Variants in JAK2 observed in about 807,000 individuals in gnomAD.
JAK2 encodes the protein tyrosine-protein kinase JAK2.
Under a neutral mutation model 139.3 loss-of-function variants are expected in JAK2, and 86 were observed. The observed-to-expected ratio is 0.62, with a 90% confidence interval of 0.52 to 0.74. JAK2 has a LOEUF of 0.74. JAK2 is among the 30% of genes least tolerant of loss of function. The pLI is 0.00. For synonymous variants in JAK2, 490 were observed against 437.7 expected (o/e 1.12, Z -1.49); for missense variants, 1,421 against 1,360.3 (o/e 1.04, Z -0.70).
intron 19 of JAK2, among the ~76,000 whole-genome samples, chr9:5,086,536 T>G (rs946063705): frequency 1.3e-5 from 2 of 152,206 alleles, no homozygotes; most frequent in African/African-American, 4.8e-5. Flanking sequence ...CTTTTAGTAC[T>G]CATTGTTTTC....
At position 5,069,139 on chromosome 9, in the gene JAK2, CAG is replaced by C; in HGVS notation, c.1446_1447del (p.Gln482HisfsTer15). The C allele has an allele frequency of 6.2e-7, 1 of 1,613,090 alleles. No homozygotes were observed. The highest frequency in any genetic ancestry group is 8.5e-7 in the Non-Finnish European group (1 of 1,179,430). ...TCTTAAAGATCTTTTGAATTGTTAC[CAG>C]ATGGAAACTGTTCGCTCAGACAATA... ...SSLKDLLNCY[Q>X]METVRSDNII... On this transcript the variant is annotated frameshift_variant, in exon 11 of 25. Coordinates refer to ENST00000381652, the MANE Select transcript of JAK2 (RefSeq NM_004972.4). LOFTEE classifies it high-confidence loss of function.
chr9:4,991,737 G>A (rs1036725088), intron 2 of JAK2, among the ~76,000 whole-genome samples: 2 of 116,218 alleles, frequency 1.7e-5, no homozygotes, highest in Non-Finnish European at 3.2e-5. Flanking sequence ...TGTACACCAG[G>A]CAACCACCTG....
At position 5,128,128 on chromosome 9, in the gene JAK2, T is replaced by C. The variant is rs1057515601; in HGVS notation, c.*1337T>C. 24 of 229,504 alleles carry C rather than the reference T, an allele frequency of 1.0e-4. No individual in the cohort carries two copies. Among genetic ancestry groups the C allele is most frequent in the Non-Finnish European group, 1.8e-4 (21 of 116,862 alleles). The allele number at this position is 229,504 out of a possible 1,614,324, so 14.2% of individuals were successfully genotyped here. ...TGTGTGTGTGTGTGTGTGTTATTTA[T>C]ACAAAACTTAAAATACTTGCTGTTT... On this transcript the variant is annotated 3_prime_UTR_variant, in exon 25 of 25. Transcript: ENST00000381652.
At chr9:5,037,122 G>A (rs1368934443) in intron 4 of JAK2, among the ~76,000 whole-genome samples, 1 of 152,156 alleles carries the variant, frequency 6.6e-6, no homozygotes, top group African/African-American at 2.4e-5. Flanking sequence ...ATCACCACTG[G>A]CCATCAGAGA....
intron 2 of JAK2, among the ~76,000 whole-genome samples, chr9:4,992,208 G>C (rs1331246282): frequency 6.6e-6 from 1 of 152,178 alleles, no homozygotes; most frequent in Non-Finnish European, 1.5e-5. Flanking sequence ...TGTTAGCTGG[G>C]CTGTTAACTG....
chr9:5,097,887 C>G (rs1212191272), intron 22 of JAK2: 1 of 152,186 alleles, frequency 6.6e-6, no homozygotes, highest in Non-Finnish European at 1.5e-5. Flanking sequence ...CAGACCTACG[C>G]TAAAATTCAC....
At chr9:5,114,750 G>A (rs554724426) in intron 22 of JAK2, 2 of 339,638 alleles carry the variant, frequency 5.9e-6, no homozygotes, top group Non-Finnish European at 1.2e-5. Context: ...TGTGGTCCAT[G>A]AGACAGCGAC....
intron 22 of JAK2, among the ~76,000 whole-genome samples, chr9:5,101,361 G>A (rs1048657072): frequency 6.6e-6 from 1 of 152,244 alleles, no homozygotes. Context: ...GCTTGAGTAG[G>A]TAAACAAAGT....
Position 5,129,752 on chromosome 9 carries a change from T to A in JAK2, c.*2961T>A, listed in dbSNP as rs541615394. The stretch of plus-strand genomic sequence containing the variant: ...CGTTTCATAATTCTCACAGTGATAT[T>A]AGATTTCAAAATGACACTGAGAGAA... On this transcript the variant is annotated 3_prime_UTR_variant, in exon 25 of 25. Transcript: ENST00000381652. Among the ~76,000 whole-genome samples the A allele has an allele frequency of 7.4e-4, 112 of 152,274 alleles. No homozygotes were observed. The highest frequency in any genetic ancestry group is 2.6e-3 in the African/African-American group (107 of 41,582).
At chr9:5,046,784 A>G (rs1017709496) in intron 5 of JAK2, among the ~76,000 whole-genome samples, 5 of 128,340 alleles carry the variant, frequency 3.9e-5, no homozygotes, top group African/African-American at 2.5e-4. Flanking sequence ...TTCTAAGAAT[A>G]GCCTTTTGAA....
In JAK2 at chr9:5,072,600, G is replaced by A; in HGVS notation, c.1750G>A (p.Asp584Asn). ...HETEVLLKVL[D>N]KAHRNYSESF... ...AACAGAAGTTCTTTTAAAAGTTCTGGATAAAGCACACAGAAACTATTCAGA... is the reference window on the plus strand; with the variant it reads ...AACAGAAGTTCTTTTAAAAGTTCTGAATAAAGCACACAGAAACTATTCAGA... Residue 584 changes from aspartate to asparagine, a missense_variant, in exon 13 of 25, where the codon GAT becomes AAT. By Grantham distance (23) the Asp-to-Asn change is conservative. Transcript: ENST00000381652. The A allele has an allele frequency of 6.2e-7, 1 of 1,608,134 alleles. No individual in the cohort carries two copies. The highest frequency in any genetic ancestry group is 8.5e-7 in the Non-Finnish European group (1 of 1,176,396).
At chr9:5,079,642 T>TA (rs112738608) in intron 16 of JAK2, among the ~76,000 whole-genome samples, 73 of 147,454 alleles carry the variant, frequency 5.0e-4, no homozygotes, top group African/African-American at 1.4e-3. Flanking sequence ...ATAAACTATA[T>TA]AAAAAAAAAA....
chr9:5,095,076 C>T (rs917085729), intron 22 of JAK2: 1 of 152,002 alleles, frequency 6.6e-6, no homozygotes, highest in African/African-American at 2.4e-5. Flanking sequence ...GGTTAAAATC[C>T]TCTTATTTCT....
chr9:5,123,069 T>C lies in JAK2; in HGVS notation c.3125T>C (p.Val1042Ala). 6.2e-7 allele frequency: 1 copy of C among 1,611,568 alleles called. No homozygotes were observed. Among genetic ancestry groups the C allele is most frequent in the South Asian group, 1.1e-5 (1 of 90,772 alleles). ...SVASDVWSFG[V>A]VLYELFTYIE... Reference sequence around the variant, plus strand: ...GCCTCAGATGTTTGGAGCTTTGGAGTGGTTCTGTATGAACTTTTCACATAC... The same window carrying C: ...GCCTCAGATGTTTGGAGCTTTGGAGCGGTTCTGTATGAACTTTTCACATAC... The change falls in exon 23 of 25, where the codon GTG becomes GCG. Residue 1042 changes from valine to alanine, a missense_variant. Val to Ala is a moderately conservative substitution (Grantham distance 64). Transcript: ENST00000381652.
At chr9:4,988,840 T>C (rs1018303752) in intron 2 of JAK2, among the ~76,000 whole-genome samples, 2 of 152,212 alleles carry the variant, frequency 1.3e-5, no homozygotes, top group Non-Finnish European at 2.9e-5. Context: ...TCTAATCATG[T>C]AGGCTTTAAA....
chr9:5,077,642 T>C, intron 15 of JAK2, 62 bp downstream of exon 15: 1 of 1,064,470 alleles, frequency 9.4e-7, no homozygotes, highest in Non-Finnish European at 1.3e-6. Flanking sequence ...ATATACAAAT[T>C]ATCTTTACCT....
intron 8 of JAK2, among the ~76,000 whole-genome samples, chr9:5,064,284 C>G (rs1372533126): frequency 2.0e-5 from 3 of 152,160 alleles, no homozygotes; most frequent in African/African-American, 7.2e-5. Flanking sequence ...AACCCCAACA[C>G]TTTGGGAGAC....
rs1818787187 is a variant in JAK2, at chr9:5,069,295, G to C, written c.1513+87G>C. On this transcript the variant is annotated intron_variant, in intron 11 of 24. Coordinates refer to ENST00000381652, the MANE Select transcript of JAK2 (RefSeq NM_004972.4). ...TATCTTCAGTACATTGATTTCAAAG[G>C]ATATATGAAAGAAGCAGCTCTAAAA... The C allele has an allele frequency of 3.7e-6, 3 of 817,756 alleles. No homozygotes were observed. The South Asian group carries it at 6.1e-5, about 17-fold the overall frequency. The allele number at this position is 817,756 out of a possible 1,614,324, so 50.7% of individuals were successfully genotyped here. A position where few individuals can be genotyped will look rare whatever the true frequency, so the allele number is the denominator to read the frequency against.
rs936684703 is a variant in JAK2, at chr9:5,079,644, A to C, written c.2132-585A>C. Among the ~76,000 whole-genome samples the C allele has an allele frequency of 3.3e-5, 5 of 150,646 alleles. No homozygotes were observed. In the Admixed American group the frequency reaches 3.3e-4, roughly 10 times the overall value. On this transcript the variant is annotated intron_variant, in intron 16 of 24. Transcript: ENST00000381652. ...GGGCAATTTTAGGATAAACTATATA[A>C]AAAAAAAAGATTTGGCCAGGTGCAG... is the stretch of plus-strand genomic sequence containing the variant.
Sources: allele counts gnomAD v4.1 joint callset (sites outside exome capture counted in the v4.1 genomes callset), GRCh38; gene constraint gnomAD v4.1.1; transcripts MANE v1.5; gene names NCBI Gene and HGNC (gene_info 2026-07-23, HGNC 2026-07-21).